The following TMEM132C variants were observed in gnomAD, a reference collection of about 807,000 sequenced individuals.
TMEM132C encodes the protein transmembrane protein 132C.
TMEM132C carries 29 observed loss-of-function variants against 61.4 expected under a neutral mutation model. That is an observed-to-expected ratio of 0.47 (90% CI 0.35 to 0.64). The LOEUF (loss-of-function observed/expected upper bound fraction) is 0.64. Among genes scored for constraint, TMEM132C ranks in the 30% least tolerant of loss-of-function variants. TMEM132C has a pLI of 0.00. For missense variants in TMEM132C, 1,408 were observed against 1,476.9 expected (o/e 0.95, Z 0.76); for synonymous variants, 656 against 633.1 (o/e 1.04, Z -0.54).
At chr12:128,622,260 CTT>C (rs1487201670) in intron 4 of TMEM132C, among the ~76,000 whole-genome samples, 1 of 147,086 alleles carries the variant, frequency 6.8e-6, no homozygotes, top group Non-Finnish European at 1.5e-5. Context: ...AGGAGAATCA[CTT>C]GAGCTTGGGA....
intron 3 of TMEM132C, among the ~76,000 whole-genome samples, chr12:128,584,084 C>T (rs542831479): frequency 3.3e-5 from 5 of 152,310 alleles, no homozygotes; most frequent in Non-Finnish European, 5.9e-5. Context: ...TTTCTTAATC[C>T]AAACTGAAAG....
At chr12:128,555,230 G>C (rs1874294131) in intron 3 of TMEM132C, among the ~76,000 whole-genome samples, 1 of 152,188 alleles carries the variant, frequency 6.6e-6, no homozygotes. Context: ...AGTCTCAGTT[G>C]CATACCTTAT....
intron 2 of TMEM132C, among the ~76,000 whole-genome samples, chr12:128,420,235 G>A (rs1868942636): frequency 6.6e-6 from 1 of 152,084 alleles, no homozygotes; most frequent in East Asian, 1.9e-4. Flanking sequence ...AAATACAATG[G>A]ATAGTAATAA....
chr12:128,480,389 A>G (rs1871280648), intron 2 of TMEM132C, among the ~76,000 whole-genome samples: 1 of 152,250 alleles, frequency 6.6e-6, no homozygotes, highest in Admixed American at 6.5e-5. Flanking sequence ...AAGCTAAAGT[A>G]GACAGCAATA....
Position 128,570,293 on chromosome 12 carries a change from A to T in TMEM132C, c.1121+26190A>T, listed in dbSNP as rs1309175464. Among the ~76,000 whole-genome samples, 1 of 152,042 alleles carries T rather than the reference A, an allele frequency of 6.6e-6. No individual in the cohort carries two copies. The highest frequency in any genetic ancestry group is 1.5e-5 in the Non-Finnish European group (1 of 68,014). ...TCTGACACTTAGGTGAAGCACAGCC[A>T]CTGGGGATGTGCTTTCTCTTGTCAG... On this transcript the variant is annotated intron_variant, in intron 3 of 8. Transcript: ENST00000435159. This position sits in a 1 kb window ranked among gnomAD's most constrained non-coding sequence, Gnocchi z 4.7.
At chr12:128,454,232 C>T (rs1387009896) in intron 2 of TMEM132C, among the ~76,000 whole-genome samples, 9 of 152,188 alleles carry the variant, frequency 5.9e-5, no homozygotes, top group Admixed American at 5.9e-4. Flanking sequence ...TATATGCCTG[C>T]AGTGTGTTAA....
chr12:128,562,106 G>A (rs1464733291), intron 3 of TMEM132C, among the ~76,000 whole-genome samples: 2 of 152,094 alleles, frequency 1.3e-5, no homozygotes, highest in Admixed American at 6.6e-5. Context: ...TACAGCCTCC[G>A]CAAAACTGGA....
At chr12:128,575,484 GA>G (rs537713196) in intron 3 of TMEM132C, among the ~76,000 whole-genome samples, 5 of 130,982 alleles carry the variant, frequency 3.8e-5, no homozygotes, top group African/African-American at 8.4e-5. Context: ...GTCTCAAAAA[GA>G]AAAAAAAAAG....
chr12:128,372,115 T>C (rs1445464840), intron 1 of TMEM132C, among the ~76,000 whole-genome samples: 2 of 152,220 alleles, frequency 1.3e-5, no homozygotes, highest in African/African-American at 4.8e-5. Context: ...TCTCAATTGC[T>C]GGCTGCCATC....
chr12:128,298,728 A>T (rs1440937502), intron 1 of TMEM132C, among the ~76,000 whole-genome samples: 1 of 152,184 alleles, frequency 6.6e-6, no homozygotes, highest in Non-Finnish European at 1.5e-5. Context: ...ATGAGGCTGG[A>T]GTTGTCTTTG....
intron 3 of TMEM132C, among the ~76,000 whole-genome samples, chr12:128,575,126 C>T (rs1208719773): frequency 6.6e-6 from 1 of 152,166 alleles, no homozygotes; most frequent in African/African-American, 2.4e-5. Context: ...TACCTTTGAC[C>T]AGCATTTACA....
At chr12:128,355,915 T>C (rs931736623) in intron 1 of TMEM132C, among the ~76,000 whole-genome samples, 9 of 152,160 alleles carry the variant, frequency 5.9e-5, no homozygotes, top group African/African-American at 2.2e-4. Context: ...CTTTACCCCC[T>C]TCCTGCCTTG....
intron 4 of TMEM132C, among the ~76,000 whole-genome samples, chr12:128,642,569 T>G (rs1262988120): frequency 1.3e-5 from 2 of 152,146 alleles, no homozygotes; most frequent in East Asian, 1.9e-4. Context: ...TTAAAGAGTC[T>G]GAGACGTCCG....
At chr12:128,696,204 C>T (rs917899450) in intron 7 of TMEM132C, 101 bp downstream of exon 7, 1 of 1,418,608 alleles carries the variant, frequency 7.0e-7, no homozygotes, top group African/African-American at 1.4e-5. Context: ...TTCCCCAACC[C>T]ATGTGTATCA....
rs59699427 is a variant in TMEM132C at position 128,338,757 on chromosome 12, A to AATATATATATATATATAT, written c.85+71273_85+71290dup. Among the ~76,000 whole-genome samples the AATATATATATATATATAT allele has an allele frequency of 1.3e-3, 177 of 138,648 alleles. 8 individuals are homozygous for AATATATATATATATATAT. Among genetic ancestry groups the AATATATATATATATATAT allele is most frequent in the African/African-American group, 5.3e-3 (165 of 31,402 alleles). The allele number at this position is 138,648 out of a possible 152,430, so 91.0% of individuals were successfully genotyped here. ...TCCTTTCTTGTTTTCCTTCTGCAGA[A>AATATATATATATATATAT]ATATATATATATATATATATTTTGC... is the stretch of plus-strand genomic sequence containing the variant. On this transcript the variant is annotated intron_variant, in intron 1 of 8. Transcript: ENST00000435159.
chr12:128,282,281 C>T (rs1388990764), intron 1 of TMEM132C, among the ~76,000 whole-genome samples: 3 of 152,166 alleles, frequency 2.0e-5, no homozygotes, highest in South Asian at 2.1e-4. Context: ...TGTATTATTC[C>T]GTTTTCACAT....
intron 1 of TMEM132C, among the ~76,000 whole-genome samples, chr12:128,280,038 C>A (rs1870838906): frequency 6.6e-6 from 1 of 152,212 alleles, no homozygotes; most frequent in Non-Finnish European, 1.5e-5. Context: ...CTCATATTAT[C>A]TGTCCTTCAT....
chr12:128,621,099 C>G (rs551720919), intron 4 of TMEM132C, among the ~76,000 whole-genome samples: 1 of 151,994 alleles, frequency 6.6e-6, no homozygotes, highest in Non-Finnish European at 1.5e-5. Flanking sequence ...CCCTTCTCGG[C>G]TCTGCTCTGG....
chr12:128,286,340 C>G (rs1213458183), intron 1 of TMEM132C, among the ~76,000 whole-genome samples: 1 of 152,158 alleles, frequency 6.6e-6, no homozygotes, highest in East Asian at 1.9e-4. Context: ...TCAAATGCCT[C>G]CAGGGCCCCT....
Sources: allele counts gnomAD v4.1 joint callset (sites outside exome capture counted in the v4.1 genomes callset), GRCh38; gene constraint gnomAD v4.1.1; non-coding constraint Gnocchi (gnomAD v3.1); transcripts MANE v1.5; gene names NCBI Gene and HGNC (gene_info 2026-07-23, HGNC 2026-07-21).